METTL15: variants seen among roughly 807,000 people sequenced by gnomAD.
The protein encoded by METTL15 is 12S rRNA N(4)-cytidine methyltransferase METTL15.
Under a neutral mutation model 38.3 loss-of-function variants are expected in METTL15, and 34 were observed. That is an observed-to-expected ratio of 0.89 (90% CI 0.68 to 1.18). The LOEUF (loss-of-function observed/expected upper bound fraction) is 1.18. METTL15 is among the 50% of genes most tolerant of loss of function. METTL15 has a pLI of 0.00. For synonymous variants in METTL15, 162 were observed against 170.9 expected, an observed-to-expected ratio of 0.95 and a Z score of 0.41; for missense variants, 438 against 498.4, an observed-to-expected ratio of 0.88 and a Z score of 1.15.
At chr11:28,424,248 G>C (rs899474619) in intron 5 of METTL15, 1 of 152,104 alleles carries the variant, frequency 6.6e-6, no homozygotes. Context: ...AAAATGTCTA[G>C]CATGTTGCTT....
chr11:28,185,291 C>T (rs906475013), intron 3 of METTL15, among the ~76,000 whole-genome samples: 1 of 151,280 alleles, frequency 6.6e-6, no homozygotes, highest in African/African-American at 2.4e-5. Flanking sequence ...AGCTAGAGTA[C>T]AGATTTTTTT....
intron 4 of METTL15, among the ~76,000 whole-genome samples, chr11:28,282,217 C>T (rs1346595112): frequency 6.6e-6 from 1 of 152,150 alleles, no homozygotes; most frequent in Non-Finnish European, 1.5e-5. Context: ...GTGCCACAGA[C>T]TCCTATTTGG....
chr11:28,433,142 A>C (rs1850949651), intron 6 of METTL15, among the ~76,000 whole-genome samples: 1 of 149,220 alleles, frequency 6.7e-6, no homozygotes, highest in South Asian at 2.1e-4. Context: ...GCCTTGCAGG[A>C]CTTCTCTCAG....
chr11:28,484,964 A>G (rs1851426641), intron 6 of METTL15, among the ~76,000 whole-genome samples: 1 of 152,114 alleles, frequency 6.6e-6, no homozygotes, highest in South Asian at 2.1e-4. Context: ...TGGCTTCTCT[A>G]TCTCTTCCAG....
At chr11:28,341,788 ACT>A (rs2133354872) in intron 3 of METTL15, among the ~76,000 whole-genome samples, 1 of 152,130 alleles carries the variant, frequency 6.6e-6, no homozygotes, top group Non-Finnish European at 1.5e-5. Context: ...ATGCCAGTGT[ACT>A]CTCCACTTCT....
At chr11:28,419,079 C>T (rs1243006878) in intron 5 of METTL15, among the ~76,000 whole-genome samples, 3 of 152,204 alleles carry the variant, frequency 2.0e-5, no homozygotes, top group Admixed American at 2.0e-4. Context: ...AGACACCAGC[C>T]AAGGTAGCTA....
chr11:28,354,182 T>C (rs1181342746), intron 4 of METTL15, among the ~76,000 whole-genome samples: 1 of 152,132 alleles, frequency 6.6e-6, no homozygotes, highest in East Asian at 1.9e-4. Context: ...AGCAGAACTC[T>C]TAAGGACCCA....
chr11:28,298,455 C>G (rs1165024725), intron 6 of METTL15, among the ~76,000 whole-genome samples: 1 of 152,052 alleles, frequency 6.6e-6, no homozygotes, highest in African/African-American at 2.4e-5. Context: ...CAGGGAGGGT[C>G]AATAGCTTGC....
At chr11:28,472,834 G>A (rs1204629281) in intron 6 of METTL15, among the ~76,000 whole-genome samples, 1 of 152,174 alleles carries the variant, frequency 6.6e-6, no homozygotes, top group Non-Finnish European at 1.5e-5. Context: ...AATTCTTTGT[G>A]ATGCTATTCC....
chr11:28,182,078 A>G lies in METTL15; in HGVS notation c.271-28984A>G, dbSNP rs536489763. Among the ~76,000 whole-genome samples the G allele has an allele frequency of 7.2e-5, 11 of 152,100 alleles. No homozygotes were observed. In the East Asian group the frequency reaches 1.9e-3, roughly 27 times the overall value. ...CTTCTCTTGAGAAGTGTCTGTTTAT[A>G]TCCTTTGCCCACTTTTTGATGGGGT... is the stretch of plus-strand genomic sequence containing the variant. On this transcript the variant is annotated intron_variant, in intron 3 of 6. Transcript: ENST00000407364.
chr11:28,352,270 A>G (rs909508771), intron 4 of METTL15: 1 of 152,162 alleles, frequency 6.6e-6, no homozygotes, highest in African/African-American at 2.4e-5. Flanking sequence ...TGCTCCCACA[A>G]CAACTTGAAG....
chr11:28,147,878 C>G (rs1445734789), intron 3 of METTL15, among the ~76,000 whole-genome samples: 1 of 151,756 alleles, frequency 6.6e-6, no homozygotes, highest in Non-Finnish European at 1.5e-5. Flanking sequence ...ACCTAGTTTT[C>G]AAAGGACATT....
At chr11:28,302,027 A>G (rs943522069) in intron 6 of METTL15, among the ~76,000 whole-genome samples, 68 of 152,042 alleles carry the variant, frequency 4.5e-4, no homozygotes, top group Non-Finnish European at 1.3e-4. Context: ...TCCTGACTCA[A>G]CCTCCTGAGT....
At chr11:28,424,308 G>A (rs942881838) in exon 6 of METTL15, 21 of 152,074 alleles carry the variant, frequency 1.4e-4, no homozygotes, top group Admixed American at 1.2e-3. Flanking sequence ...GGCTGCACAT[G>A]TTCTTCGGAA....
At chr11:28,116,441 T>C (rs1054770500) in intron 3 of METTL15, among the ~76,000 whole-genome samples, 1 of 152,242 alleles carries the variant, frequency 6.6e-6, no homozygotes, top group Non-Finnish European at 1.5e-5. Context: ...TTTCTTCTTT[T>C]TCCAACATAC....
At chr11:28,502,100 C>T (rs200913273) in intron 6 of METTL15, among the ~76,000 whole-genome samples, 1 of 121,058 alleles carries the variant, frequency 8.3e-6, no homozygotes, top group Non-Finnish European at 1.7e-5. Context: ...GACTCTGTCT[C>T]AAAAAAAAAA....
chr11:28,139,699 G>A (rs1413672380), intron 3 of METTL15, among the ~76,000 whole-genome samples: 1 of 151,706 alleles, frequency 6.6e-6, no homozygotes, highest in African/African-American at 2.4e-5. Flanking sequence ...ACAAGGGAGA[G>A]TAAAGGGTGT....
At chr11:28,209,857 A>G (rs1383100390) in intron 3 of METTL15, among the ~76,000 whole-genome samples, 4 of 152,040 alleles carry the variant, frequency 2.6e-5, no homozygotes, top group Non-Finnish European at 5.9e-5. Flanking sequence ...TACTATGCAC[A>G]TGAACTTTAA....
At chr11:28,177,309 T>C (rs931409934) in intron 3 of METTL15, among the ~76,000 whole-genome samples, 1 of 152,000 alleles carries the variant, frequency 6.6e-6, no homozygotes, top group Admixed American at 6.6e-5. Flanking sequence ...ATTGAAAAGA[T>C]TTAGTAGAGT....
Sources: gnomAD v4.1 joint callset for allele counts (sites outside exome capture counted in the v4.1 genomes callset) on GRCh38, gnomAD v4.1.1 for gene constraint, MANE v1.5 for transcripts, NCBI Gene and HGNC (gene_info 2026-07-23, HGNC 2026-07-21) for gene names.